Variants in DGKB observed in about 807,000 individuals in gnomAD.
DGKB encodes the protein 90 kDa diacylglycerol kinase.
In DGKB, 67 loss-of-function variants were observed where a neutral mutation model predicts 114.3. The observed-to-expected ratio is 0.59, with a 90% CI of 0.48 to 0.72. The LOEUF is 0.72. Ranked by LOEUF, DGKB falls within the 30% of genes least tolerant of loss-of-function variation. The pLI, the probability that DGKB is intolerant of heterozygous loss-of-function variation, is 0.00. For missense variants in DGKB, 907 were observed against 975.2 expected (o/e 0.93, Z 0.93); for synonymous variants, 398 against 323.1 (o/e 1.23, Z -2.49).
intron 2 of DGKB, among the ~76,000 whole-genome samples, chr7:14,826,479 TTTTC>T (rs1332253565): frequency 2.0e-5 from 3 of 152,142 alleles, no homozygotes; most frequent in East Asian, 1.9e-4. Flanking sequence ...CCTATATTCA[TTTTC>T]TTTCTTTCTA....
At chr7:14,824,648 G>T (rs187116828) in intron 2 of DGKB, among the ~76,000 whole-genome samples, 1 of 151,964 alleles carries the variant, frequency 6.6e-6, no homozygotes, top group East Asian at 1.9e-4. Flanking sequence ...GTCACAGCAC[G>T]TCACAACATA....
At chr7:14,816,676 C>T (rs747247516) in intron 2 of DGKB, 4 of 152,090 alleles carry the variant, frequency 2.6e-5, no homozygotes, top group Admixed American at 1.3e-4. Context: ...TTTGATGTAA[C>T]GATTAAATGA....
chr7:14,638,170 G>A lies in DGKB; in HGVS notation c.1135-7902C>T, dbSNP rs1811091870. 2.0e-5 allele frequency among the ~76,000 whole-genome samples: 3 copies of A among 151,848 alleles called. 1 individual carries two copies. In the South Asian group the frequency reaches 6.2e-4, roughly 31 times the overall value. ...TGTAACTCCTCATTTTACATGTGAG[G>A]CATTTTACAGTACCATCTATTGGAT... On this transcript the variant is annotated intron_variant, in intron 13 of 25. Transcript: ENST00000402815.
chr7:14,481,976 ATTCATATTTC>A (rs1783054842), intron 20 of DGKB, among the ~76,000 whole-genome samples: 1 of 151,944 alleles, frequency 6.6e-6, no homozygotes, highest in East Asian at 1.9e-4. Flanking sequence ...GCTTTTGTTC[ATTCATATTTC>A]TTCTTATGTG....
At chr7:14,481,665 G>C (rs1783009354) in intron 20 of DGKB, among the ~76,000 whole-genome samples, 1 of 151,836 alleles carries the variant, frequency 6.6e-6, no homozygotes, top group African/African-American at 2.4e-5. Flanking sequence ...TCTAATTTTA[G>C]AATTAAAAGT....
chr7:14,958,000 G>A (rs1425122180), intron 1 of DGKB, among the ~76,000 whole-genome samples: 1 of 151,868 alleles, frequency 6.6e-6, no homozygotes, highest in Non-Finnish European at 1.5e-5. Flanking sequence ...GATAAATATT[G>A]TGTTTACGTA....
chr7:14,857,262 G>GTGTGTGTGTC (rs1554308246), intron 1 of DGKB, among the ~76,000 whole-genome samples: 2 of 150,676 alleles, frequency 1.3e-5, no homozygotes, highest in Non-Finnish European at 2.9e-5. Context: ...GTGTGTTTGT[G>GTGTGTGTGTC]TGTGTGTGTG....
intron 23 of DGKB, among the ~76,000 whole-genome samples, chr7:14,266,861 A>G (rs911780302): frequency 6.6e-6 from 1 of 152,226 alleles, no homozygotes; most frequent in African/African-American, 2.4e-5. Context: ...GATATTAATG[A>G]TCATCACTAT....
At chr7:14,542,438 T>C (rs924447241) in intron 20 of DGKB, among the ~76,000 whole-genome samples, 4 of 152,188 alleles carry the variant, frequency 2.6e-5, no homozygotes, top group African/African-American at 9.7e-5. Context: ...TTTAAAGCTT[T>C]ACTCACAACA....
At chr7:14,715,782 G>GCTTATAACATTTGC (rs1465126484) in intron 6 of DGKB, among the ~76,000 whole-genome samples, 1 of 152,102 alleles carries the variant, frequency 6.6e-6, no homozygotes, top group African/African-American at 2.4e-5. Context: ...ATGACATTTT[G>GCTTATAACATTTGC]TTATAACATT....
chr7:14,405,989 G>A (rs1004177944), intron 21 of DGKB, among the ~76,000 whole-genome samples: 24 of 151,930 alleles, frequency 1.6e-4, no homozygotes, highest in African/African-American at 5.6e-4. Flanking sequence ...GGAGAAAAAG[G>A]AGGAGGTTGT....
At chr7:14,730,538 A>G (rs987386822) in intron 5 of DGKB, among the ~76,000 whole-genome samples, 5 of 152,242 alleles carry the variant, frequency 3.3e-5, no homozygotes, top group Non-Finnish European at 4.4e-5. Flanking sequence ...CCTGAGTGAG[A>G]AAAGCAGGTT....
chr7:14,288,459 T>C (rs978950384), intron 23 of DGKB, among the ~76,000 whole-genome samples: 2 of 152,128 alleles, frequency 1.3e-5, no homozygotes, highest in Admixed American at 6.6e-5. Flanking sequence ...ATTGCAAAGA[T>C]ATATTTCTAG....
chr7:14,962,905 T>A (rs1786941670), intron 1 of DGKB, among the ~76,000 whole-genome samples: 1 of 152,098 alleles, frequency 6.6e-6, no homozygotes, highest in African/African-American at 2.4e-5. Context: ...TAAACTATAT[T>A]GACTCATTAA....
At chr7:14,303,180 C>A (rs1044651508) in intron 23 of DGKB, among the ~76,000 whole-genome samples, 5 of 152,102 alleles carry the variant, frequency 3.3e-5, no homozygotes, top group African/African-American at 1.2e-4. Context: ...ACATTATACA[C>A]AAAGGAAAGT....
chr7:14,906,325 C>T (rs1783701198), upstream of DGKB, among the ~76,000 whole-genome samples: 1 of 151,966 alleles, frequency 6.6e-6, no homozygotes, highest in Admixed American at 6.6e-5. Flanking sequence ...ATTTACCTTT[C>T]ATCACTCTTA....
intron 1 of DGKB, among the ~76,000 whole-genome samples, chr7:14,885,552 A>G (rs1854921656): frequency 6.6e-6 from 1 of 151,834 alleles, no homozygotes; most frequent in Non-Finnish European, 1.5e-5. Context: ...ACAGTGGCAC[A>G]TAGAGATAAA....
chr7:14,587,373 T>C (rs185201011), intron 17 of DGKB, among the ~76,000 whole-genome samples: 88 of 152,198 alleles, frequency 5.8e-4, no homozygotes, highest in African/African-American at 1.8e-3. Context: ...GGATGAGGAA[T>C]TGACTTTTAG....
chr7:14,172,564 G>A (rs1339099414), intron 25 of DGKB, among the ~76,000 whole-genome samples: 3 of 152,080 alleles, frequency 2.0e-5, no homozygotes, highest in African/African-American at 7.2e-5. Context: ...AACACCAGGT[G>A]TTTCAATGGT....
Sources: allele counts gnomAD v4.1 joint callset (sites outside exome capture counted in the v4.1 genomes callset), GRCh38; gene constraint gnomAD v4.1.1; transcripts MANE v1.5; gene names NCBI Gene and HGNC (gene_info 2026-07-23, HGNC 2026-07-21).